Variants in ACOT7 observed in about 807,000 individuals in gnomAD.
The protein encoded by ACOT7 is acyl-CoA thioesterase 7.
ACOT7 carries 12 observed loss-of-function variants against 40.2 expected under a neutral mutation model. The ratio of observed to expected loss-of-function variants is 0.30; its 90% CI spans 0.19 to 0.48. ACOT7 has a LOEUF of 0.48. Ranked by LOEUF, ACOT7 falls within the 20% of genes least tolerant of loss-of-function variation. ACOT7 has a pLI of 0.99. For missense variants in ACOT7, 395 were observed against 530.8 expected, an observed-to-expected ratio of 0.74 and a Z score of 2.51; for synonymous variants, 228 against 219.5, an observed-to-expected ratio of 1.04 and a Z score of -0.34.
At chr1:6,347,006 C>T (rs1363104924) in intron 2 of ACOT7, among the ~76,000 whole-genome samples, 3 of 152,094 alleles carry the variant, frequency 2.0e-5, no homozygotes, top group Non-Finnish European at 4.4e-5. Flanking sequence ...ACATCAAGGC[C>T]AAGCAGGCCA....
intron 2 of ACOT7, among the ~76,000 whole-genome samples, chr1:6,339,892 G>A (rs1235514432): frequency 1.5e-5 from 2 of 129,212 alleles, no homozygotes; most frequent in Non-Finnish European, 3.1e-5. Flanking sequence ...GGCGCCCGCT[G>A]GGACTACAGC....
intron 6 of ACOT7, among the ~76,000 whole-genome samples, chr1:6,315,523 G>A (rs538690866): frequency 2.6e-5 from 4 of 152,136 alleles, no homozygotes; most frequent in South Asian, 2.1e-4. Context: ...AGGCCGAGGC[G>A]GGCAGATCAC....
At chr1:6,340,862 T>C (rs1415814130) in intron 2 of ACOT7, among the ~76,000 whole-genome samples, 2 of 151,794 alleles carry the variant, frequency 1.3e-5, no homozygotes, top group Non-Finnish European at 1.5e-5. Context: ...ATGGTGAAAC[T>C]CCATCTCTAC....
chr1:6,297,778 C>G (rs992062135), intron 6 of ACOT7, among the ~76,000 whole-genome samples: 1 of 152,172 alleles, frequency 6.6e-6, no homozygotes, highest in African/African-American at 2.4e-5. Flanking sequence ...TATCTGGGAT[C>G]TGCTTCGAAA....
At chr1:6,383,142 G>T (rs1642370366) in intron 1 of ACOT7, among the ~76,000 whole-genome samples, 1 of 151,180 alleles carries the variant, frequency 6.6e-6, no homozygotes, top group African/African-American at 2.4e-5. Flanking sequence ...GCCTCCCAAA[G>T]TGGTGGGAAT....
chr1:6,391,987 C>G (rs1205292115), intron 1 of ACOT7, among the ~76,000 whole-genome samples: 3 of 151,670 alleles, frequency 2.0e-5, no homozygotes, highest in Non-Finnish European at 2.9e-5. Context: ...GTCGATGGGA[C>G]CAGAACAGCC....
At chr1:6,316,230 C>T (rs112091993) in intron 6 of ACOT7, among the ~76,000 whole-genome samples, 14 of 152,076 alleles carry the variant, frequency 9.2e-5, no homozygotes, top group Non-Finnish European at 1.6e-4. Flanking sequence ...TGGCCAGGCT[C>T]GGAAGAGGGA....
chr1:6,391,315 G>T (rs1218158263), intron 1 of ACOT7, among the ~76,000 whole-genome samples: 5 of 151,990 alleles, frequency 3.3e-5, no homozygotes, highest in Non-Finnish European at 7.4e-5. Context: ...AGACCAGCCT[G>T]GCCAACATGG....
At chr1:6,320,247 T>G (rs1402240339) in intron 5 of ACOT7, among the ~76,000 whole-genome samples, 1 of 152,188 alleles carries the variant, frequency 6.6e-6, no homozygotes, top group Non-Finnish European at 1.5e-5. Flanking sequence ...AAGGAGAGTT[T>G]TGTGTTTATG....
At chr1:6,331,992 C>G (rs779015045) in intron 4 of ACOT7, among the ~76,000 whole-genome samples, 1 of 152,162 alleles carries the variant, frequency 6.6e-6, no homozygotes, top group Non-Finnish European at 1.5e-5. Context: ...CGGGGGGCCA[C>G]GGGAAGATGG....
intron 4 of ACOT7, among the ~76,000 whole-genome samples, chr1:6,331,959 G>A (rs956674377): frequency 6.6e-5 from 10 of 152,264 alleles, no homozygotes; most frequent in Middle Eastern, 3.4e-3. Context: ...AGCAGGGACC[G>A]AGGCCCCATC....
rs1336131208 is a variant in ACOT7 at position 6,393,372 on chromosome 1, CG to C, written c.27del (p.Ala10ArgfsTer58). The C allele has an allele frequency of 1.6e-6, 2 of 1,235,190 alleles. No homozygotes were observed. Among genetic ancestry groups the C allele is most frequent in the Non-Finnish European group, 2.0e-6 (2 of 987,256 alleles). The allele number at this position is 1,235,190 out of a possible 1,614,324, so 76.5% of individuals were successfully genotyped here. MARPGLIHSAPGLPDTCAL... is the reference protein window; with the variant it reads MARPGLIHXAPGLPDTCAL... ...GCGCAGGTGTCTGGCAGGCCCGGCG[CG>C]GAATGAATGAGCCCGGGCCGCGCCA... On this transcript the variant is annotated frameshift_variant, in exon 1 of 9. Transcript: ENST00000361521. LOFTEE classifies it high-confidence loss of function.
chr1:6,286,702 C>T (rs566052233), intron 7 of ACOT7, among the ~76,000 whole-genome samples: 1 of 152,344 alleles, frequency 6.6e-6, no homozygotes, highest in East Asian at 1.9e-4. Flanking sequence ...GGCTCTCCTT[C>T]ATCAGGGGCT....
At chr1:6,297,372 G>A (rs1325128684) in intron 6 of ACOT7, among the ~76,000 whole-genome samples, 1 of 152,160 alleles carries the variant, frequency 6.6e-6, no homozygotes, top group African/African-American at 2.4e-5. Flanking sequence ...AACCCAGAGA[G>A]AGGCAGAAAA....
rs143660761 is a variant in ACOT7, at chr1:6,303,827, G to A, written c.713-8847C>T. Among the ~76,000 whole-genome samples, 422 of 152,218 alleles carry A rather than the reference G, an allele frequency of 2.8e-3. 2 individuals carry two copies. The highest frequency in any genetic ancestry group is 2.9e-3 in the African/African-American group (119 of 41,530). Reference sequence around the variant, plus strand: ...AATATTCACTAAGTGGTTCCCGGACGTCTGGGAGCATCATAGACCCAGGGA... The same window carrying A: ...AATATTCACTAAGTGGTTCCCGGACATCTGGGAGCATCATAGACCCAGGGA... On this transcript the variant is annotated intron_variant, in intron 6 of 8. Coordinates refer to ENST00000361521, the MANE Select transcript of ACOT7 (RefSeq NM_007274.4).
intron 1 of ACOT7, among the ~76,000 whole-genome samples, chr1:6,376,193 T>C (rs544921277): frequency 6.6e-6 from 1 of 151,040 alleles, no homozygotes; most frequent in African/African-American, 2.4e-5. Flanking sequence ...AGTCAGGAGG[T>C]TGCAGTGAGC....
At position 6,275,590 on chromosome 1, in the gene ACOT7, G is replaced by A. The variant is rs927214452; in HGVS notation, c.1014+5512C>T. ...AAATTAATAAGGAATGGTGGCATGCGCCTGTAATCCCAGCTACTCGGGAGG... is the reference window on the plus strand; with the variant it reads ...AAATTAATAAGGAATGGTGGCATGCACCTGTAATCCCAGCTACTCGGGAGG... On this transcript the variant is annotated intron_variant, in intron 8 of 8. Transcript: ENST00000361521. The surrounding 1 kb of genome is among the most constrained non-coding windows in gnomAD (Gnocchi z 5.6). 1.1e-4 allele frequency among the ~76,000 whole-genome samples: 17 copies of A among 152,170 alleles called. No individual in the cohort carries two copies. The highest frequency in any genetic ancestry group is 4.2e-4 in the South Asian group (2 of 4,806).
At chr1:6,341,167 AGTCTCACTCTG>A (rs1411685089) in intron 2 of ACOT7, among the ~76,000 whole-genome samples, 4 of 151,014 alleles carry the variant, frequency 2.6e-5, no homozygotes, top group African/African-American at 9.7e-5. Flanking sequence ...TTTGAGATGG[AGTCTCACTCTG>A]TTGCCCAGAC....
At chr1:6,342,362 A>G (rs1220083117) in intron 2 of ACOT7, among the ~76,000 whole-genome samples, 1 of 152,166 alleles carries the variant, frequency 6.6e-6, no homozygotes, top group Admixed American at 6.5e-5. Flanking sequence ...GAGAATTTCA[A>G]CACATGAGAG....
Sources: allele counts gnomAD v4.1 joint callset (sites outside exome capture counted in the v4.1 genomes callset), GRCh38; gene constraint gnomAD v4.1.1; non-coding constraint Gnocchi (gnomAD v3.1); transcripts MANE v1.5; gene names NCBI Gene and HGNC (gene_info 2026-07-23, HGNC 2026-07-21).